EYS: variants seen among roughly 807,000 people sequenced by gnomAD.
The protein encoded by EYS is EGF-like photoreceptor maintenance factor.
Under a neutral mutation model 282.1 loss-of-function variants are expected in EYS, and 250 were observed. The observed-to-expected ratio is 0.89, with a 90% CI of 0.80 to 0.98. The LOEUF is 0.98. Among genes scored for constraint, EYS ranks in the 50% least tolerant of loss-of-function variants. EYS has a pLI of 0.00. For synonymous variants in EYS, 1,355 were observed against 1,282.9 expected (o/e 1.06, Z -1.20); for missense variants, 4,016 against 3,709.0 (o/e 1.08, Z -2.15).
chr6:65,201,375 T>C (rs770438060), intron 12 of EYS, among the ~76,000 whole-genome samples: 6 of 152,206 alleles, frequency 3.9e-5, no homozygotes, highest in Non-Finnish European at 8.8e-5. Context: ...ATACAATAAG[T>C]AGTAAATATG....
chr6:64,768,872 G>A (rs775270021), intron 22 of EYS, among the ~76,000 whole-genome samples: 4 of 152,096 alleles, frequency 2.6e-5, no homozygotes, highest in Admixed American at 6.6e-5. Flanking sequence ...GGCAGCAGGA[G>A]ATCATGAGAC....
chr6:63,957,821 C>T (rs1457302752), intron 35 of EYS, among the ~76,000 whole-genome samples: 1 of 140,612 alleles, frequency 7.1e-6, no homozygotes, highest in African/African-American at 2.4e-5. Context: ...GACACTCAAA[C>T]ATTTTATCAA....
chr6:64,812,766 T>A (rs996513010), intron 22 of EYS, among the ~76,000 whole-genome samples: 2 of 127,800 alleles, frequency 1.6e-5, no homozygotes, highest in Admixed American at 9.8e-5. Flanking sequence ...TTTTAATACC[T>A]GGGTTCGGTT....
rs183792195 is a variant in EYS at position 64,978,152 on chromosome 6, G to A, written c.2259+19430C>T. Among the ~76,000 whole-genome samples the A allele has an allele frequency of 5.6e-4, 85 of 152,020 alleles. 2 individuals carry two copies. The highest frequency in any genetic ancestry group is 5.5e-3 in the Admixed American group (83 of 15,228). On this transcript the variant is annotated intron_variant, in intron 14 of 42. Coordinates refer to ENST00000503581, the MANE Select transcript of EYS (RefSeq NM_001142800.2). Reference sequence around the variant, plus strand: ...GTAGGACTTTCACAGTTAGAGAGGAGATGTCAATGCCTGAATTCAAAGCTT... The same window carrying A: ...GTAGGACTTTCACAGTTAGAGAGGAAATGTCAATGCCTGAATTCAAAGCTT...
At chr6:63,740,907 A>G (rs758631647) in intron 41 of EYS, among the ~76,000 whole-genome samples, 5 of 152,166 alleles carry the variant, frequency 3.3e-5, no homozygotes, top group Non-Finnish European at 7.3e-5. Context: ...TAGCTGCTCA[A>G]CGTTTCCTCT....
At chr6:65,152,351 T>C (rs1266026307) in intron 12 of EYS, among the ~76,000 whole-genome samples, 2 of 152,042 alleles carry the variant, frequency 1.3e-5, no homozygotes, top group Admixed American at 6.6e-5. Flanking sequence ...CTCTAACCCC[T>C]AGTACCTCAA....
intron 33 of EYS, among the ~76,000 whole-genome samples, chr6:64,013,659 C>A (rs1232631571): frequency 6.6e-6 from 1 of 152,090 alleles, no homozygotes; most frequent in East Asian, 1.9e-4. Flanking sequence ...AATCACCACC[C>A]CACCCTTTTT....
intron 14 of EYS, among the ~76,000 whole-genome samples, chr6:64,995,359 C>T (rs1262991299): frequency 6.6e-6 from 1 of 152,040 alleles, no homozygotes; most frequent in Non-Finnish European, 1.5e-5. Context: ...TGTGTCTTTC[C>T]CTTTGCTAAT....
chr6:64,839,560 A>G (rs2150033793), intron 19 of EYS, among the ~76,000 whole-genome samples: 2 of 152,164 alleles, frequency 1.3e-5, no homozygotes, highest in East Asian at 3.9e-4. Flanking sequence ...ACTAGGAGGC[A>G]AGTTTTCCCT....
At chr6:63,745,923 C>T (rs75635081) in intron 41 of EYS, among the ~76,000 whole-genome samples, 3 of 152,186 alleles carry the variant, frequency 2.0e-5, no homozygotes, top group African/African-American at 7.2e-5. Context: ...TGCTCTCTCT[C>T]TGTGTGTACC....
chr6:65,265,272 G>A (rs954546977), intron 12 of EYS, among the ~76,000 whole-genome samples: 5 of 152,004 alleles, frequency 3.3e-5, no homozygotes, highest in Admixed American at 2.6e-4. Flanking sequence ...AATCTCTAAA[G>A]AAAGTAATTT....
At chr6:65,272,372 C>T (rs75291518) in intron 12 of EYS, among the ~76,000 whole-genome samples, 4,033 of 152,134 alleles carry the variant, frequency 0.027, 164 homozygotes, top group African/African-American at 0.09. Flanking sequence ...GAGCAGGAAC[C>T]GAAGGGGCTC....
intron 30 of EYS, among the ~76,000 whole-genome samples, chr6:64,283,777 G>C (rs1768395268): frequency 6.6e-6 from 1 of 152,156 alleles, no homozygotes; most frequent in African/African-American, 2.4e-5. Flanking sequence ...ATGGTGGGAA[G>C]TGAAAGGCAC....
At chr6:65,294,208 A>G (rs1221812835) in intron 12 of EYS, among the ~76,000 whole-genome samples, 1 of 151,850 alleles carries the variant, frequency 6.6e-6, no homozygotes, top group Non-Finnish European at 1.5e-5. Flanking sequence ...TGCCCCCAAA[A>G]GATTCCACTT....
At chr6:65,559,256 C>A (rs1377836223) in intron 2 of EYS, among the ~76,000 whole-genome samples, 7 of 152,042 alleles carry the variant, frequency 4.6e-5, no homozygotes, top group African/African-American at 1.7e-4. Flanking sequence ...GGTGGCTTAT[C>A]CTGGAATCCC....
intron 33 of EYS, among the ~76,000 whole-genome samples, chr6:64,005,331 G>C (rs1231967713): frequency 6.6e-6 from 1 of 151,854 alleles, no homozygotes; most frequent in Non-Finnish European, 1.5e-5. Context: ...TTTGTTTTTT[G>C]CTTGTTAACT....
At chr6:65,182,346 C>A (rs930397339) in intron 12 of EYS, among the ~76,000 whole-genome samples, 7 of 151,052 alleles carry the variant, frequency 4.6e-5, no homozygotes, top group Non-Finnish European at 1.0e-4. Context: ...TTATTTAAAT[C>A]TTTATATTTT....
Position 64,133,515 on chromosome 6 carries a change from C to CACAG in EYS, c.6425-51514_6425-51513insCTGT, listed in dbSNP as rs1554210940. 3.8e-3 allele frequency among the ~76,000 whole-genome samples: 564 copies of CACAG among 149,602 alleles called. 2 individuals carry two copies. The highest frequency in any genetic ancestry group is 0.013 in the African/African-American group (530 of 40,060). On this transcript the variant is annotated intron_variant, in intron 31 of 42. Transcript: ENST00000503581. ...ACACACACACACACACACACACACA[C>CACAG]AGAGAAATCCATTTGTATTGGTTTA...
intron 2 of EYS, among the ~76,000 whole-genome samples, chr6:65,554,651 A>G (rs1768726517): frequency 6.6e-6 from 1 of 152,170 alleles, no homozygotes; most frequent in Non-Finnish European, 1.5e-5. Flanking sequence ...AAGACTGAGT[A>G]CTTCACATTT....
Sources: allele counts gnomAD v4.1 joint callset (sites outside exome capture counted in the v4.1 genomes callset), GRCh38; gene constraint gnomAD v4.1.1; transcripts MANE v1.5; gene names NCBI Gene and HGNC (gene_info 2026-07-23, HGNC 2026-07-21).